Variants in MSH4 observed in about 807,000 individuals in gnomAD.
The protein encoded by MSH4 is mutS protein homolog 4.
Under a neutral mutation model 113.7 loss-of-function variants are expected in MSH4, and 106 were observed. The observed-to-expected ratio is 0.93, with a 90% CI of 0.80 to 1.10. MSH4 has a LOEUF of 1.10. Among genes scored for constraint, MSH4 ranks in the 50% least tolerant of loss-of-function variants. The probability of loss-of-function intolerance (pLI) is 0.00; values close to 1 mark genes in which losing one functional copy is unlikely to be tolerated. For missense variants in MSH4, 1,061 were observed against 1,093.7 expected (o/e 0.97, Z 0.42); for synonymous variants, 368 against 380.2 (o/e 0.97, Z 0.37).
rs1335211715 is a variant in MSH4, at chr1:75,803,823, A to G, written c.337A>G (p.Asn113Asp). Residue 113 changes from asparagine to aspartate, a missense_variant, in exon 2 of 20, where the codon AAT (asparagine) becomes GAT (aspartate). By Grantham distance (23) the Asn-to-Asp change is conservative. Transcript: ENST00000263187. ...GASSSSARDTNYPQTLKTPLS... is the reference protein window; with the variant it reads ...GASSSSARDTDYPQTLKTPLS... ...AAGCTCATCTTCTGCACGAGATACT[A>G]ATTATCCTCAAACACTTAAAACTCC... 6.2e-7 allele frequency: 1 copy of G among 1,605,452 alleles called. No homozygotes were observed. Among genetic ancestry groups the G allele is most frequent in the Non-Finnish European group, 8.5e-7 (1 of 1,176,366 alleles).
intron 9 of MSH4, among the ~76,000 whole-genome samples, chr1:75,874,810 T>A (rs1052927966): frequency 2.6e-5 from 4 of 152,086 alleles, no homozygotes; most frequent in African/African-American, 9.7e-5. Flanking sequence ...GAGAAAAAAT[T>A]ATGTCTGACA....
At chr1:75,801,835 A>C (rs1649943336) in intron 1 of MSH4, among the ~76,000 whole-genome samples, 1 of 151,956 alleles carries the variant, frequency 6.6e-6, no homozygotes, top group Non-Finnish European at 1.5e-5. Context: ...ACACTACTGC[A>C]CTCCAGTCTG....
intron 1 of MSH4, among the ~76,000 whole-genome samples, chr1:75,802,253 A>G (rs1306689131): frequency 2.6e-5 from 4 of 152,210 alleles, no homozygotes; most frequent in Admixed American, 6.5e-5. Flanking sequence ...AAGGCTTGAG[A>G]GTTGTCAGAA....
chr1:75,885,181 A>G (rs1339785999), intron 15 of MSH4, among the ~76,000 whole-genome samples: 1 of 145,338 alleles, frequency 6.9e-6, no homozygotes, highest in Non-Finnish European at 1.5e-5. Flanking sequence ...TTAATAATAT[A>G]CGCTATGTGT....
chr1:75,833,402 G>A lies in MSH4; in HGVS notation c.1162+10821G>A, dbSNP rs12211895. 1.4e-3 allele frequency among the ~76,000 whole-genome samples: 208 copies of A among 152,146 alleles called. 1 individual carries two copies. Among genetic ancestry groups the A allele is most frequent in the African/African-American group, 4.7e-3 (194 of 41,524 alleles). ...TTCAGTGCCATCCCCTTCAAGCTAC[G>A]AATGACTTTCTTCACAGAATTGGAA... On this transcript the variant is annotated intron_variant, in intron 7 of 19. Coordinates refer to ENST00000263187, the MANE Select transcript of MSH4 (RefSeq NM_002440.4).
chr1:75,870,942 A>G (rs1247084295), intron 9 of MSH4, among the ~76,000 whole-genome samples: 1 of 152,206 alleles, frequency 6.6e-6, no homozygotes, highest in Non-Finnish European at 1.5e-5. Context: ...AAAGCAAAGT[A>G]AAAGGCAAAG....
At chr1:75,851,804 A>G (rs1651194011) in intron 8 of MSH4, among the ~76,000 whole-genome samples, 1 of 152,206 alleles carries the variant, frequency 6.6e-6, no homozygotes, top group African/African-American at 2.4e-5. Context: ...CCATTATGCT[A>G]TTATTGTAAC....
At position 75,890,829 on chromosome 1, in the gene MSH4, T is replaced by G; in HGVS notation, c.2355+5T>G. The G allele has an allele frequency of 6.5e-7, 1 of 1,539,648 alleles. No individual in the cohort carries two copies. Among genetic ancestry groups the G allele is most frequent in the Non-Finnish European group, 8.9e-7 (1 of 1,122,376 alleles). Reference sequence around the variant, plus strand: ...GAATATCTACTGAGCTTAAAGGTATTCTTTTATTTTAAGTATATTGATTTT... The same window carrying G: ...GAATATCTACTGAGCTTAAAGGTATGCTTTTATTTTAAGTATATTGATTTT... On this transcript the variant is annotated splice_donor_5th_base_variant and intron_variant, in intron 17 of 19. Coordinates refer to ENST00000263187, the MANE Select transcript of MSH4 (RefSeq NM_002440.4).
intron 8 of MSH4, among the ~76,000 whole-genome samples, chr1:75,860,012 G>A (rs1004157622): frequency 2.0e-5 from 3 of 152,090 alleles, no homozygotes; most frequent in African/African-American, 7.2e-5. Flanking sequence ...TTACCAATAT[G>A]TAATGGCCTT....
intron 14 of MSH4, among the ~76,000 whole-genome samples, chr1:75,881,865 T>G (rs1438189464): frequency 6.6e-6 from 1 of 152,092 alleles, no homozygotes; most frequent in East Asian, 1.9e-4. Flanking sequence ...AGTAATTTTC[T>G]CATGTTAAAT....
At chr1:75,877,431 G>A (rs1651838797) in intron 10 of MSH4, among the ~76,000 whole-genome samples, 1 of 152,184 alleles carries the variant, frequency 6.6e-6, no homozygotes, top group South Asian at 2.1e-4. Flanking sequence ...AGTAGTTGTG[G>A]ACTGAAGAAC....
At chr1:75,907,898 C>T (rs12048184) in intron 19 of MSH4, among the ~76,000 whole-genome samples, 39,718 of 148,940 alleles carry the variant, frequency 0.27, 6,856 homozygotes, top group East Asian at 0.69. Context: ...TTTAGTGAGA[C>T]GGGGTTTCAC....
At chr1:75,838,742 G>C (rs911064611) in intron 7 of MSH4, among the ~76,000 whole-genome samples, 1 of 151,990 alleles carries the variant, frequency 6.6e-6, no homozygotes, top group African/African-American at 2.4e-5. Flanking sequence ...GCTTTGGAAC[G>C]CTGTAATTTT....
intron 9 of MSH4, among the ~76,000 whole-genome samples, chr1:75,875,424 G>T (rs1651798726): frequency 6.6e-6 from 1 of 152,162 alleles, no homozygotes; most frequent in African/African-American, 2.4e-5. Context: ...TACTGTATAA[G>T]AATGGAGCAG....
At chr1:75,864,360 T>C (rs1651519547) in intron 8 of MSH4, among the ~76,000 whole-genome samples, 1 of 152,190 alleles carries the variant, frequency 6.6e-6, no homozygotes, top group Non-Finnish European at 1.5e-5. Context: ...TGTACATATG[T>C]TTTTATTTGG....
intron 8 of MSH4, among the ~76,000 whole-genome samples, chr1:75,860,356 A>G (rs1167425334): frequency 6.6e-6 from 1 of 152,094 alleles, no homozygotes; most frequent in African/African-American, 2.4e-5. Flanking sequence ...TTTCCATAGC[A>G]TTGATGGTCT....
intron 1 of MSH4, among the ~76,000 whole-genome samples, chr1:75,798,519 C>T (rs1344807347): frequency 6.6e-6 from 1 of 151,724 alleles, no homozygotes; most frequent in Non-Finnish European, 1.5e-5. Flanking sequence ...CTAATGGATA[C>T]CTCAGGCTGA....
chr1:75,819,252 G>T (rs1434071976), intron 6 of MSH4, among the ~76,000 whole-genome samples: 2 of 152,134 alleles, frequency 1.3e-5, no homozygotes, highest in Non-Finnish European at 2.9e-5. Context: ...AGCACCCTGG[G>T]CAGGCCAACG....
intron 19 of MSH4, among the ~76,000 whole-genome samples, chr1:75,910,898 C>A (rs2100600407): frequency 6.6e-6 from 1 of 151,684 alleles, no homozygotes; most frequent in South Asian, 2.1e-4. Context: ...GCAGTAAGTT[C>A]TCTCTCTCTC....
Sources: gnomAD v4.1 joint callset for allele counts (sites outside exome capture counted in the v4.1 genomes callset) on GRCh38, gnomAD v4.1.1 for gene constraint, MANE v1.5 for transcripts, NCBI Gene and HGNC (gene_info 2026-07-23, HGNC 2026-07-21) for gene names.